The following IVD variants were observed in gnomAD, a reference collection of about 807,000 sequenced individuals.
The protein encoded by IVD is isovaleryl-CoA dehydrogenase, mitochondrial.
A neutral mutation model predicts 51.3 loss-of-function variants in IVD; 31 were observed. That is an observed-to-expected ratio of 0.60 (90% CI 0.45 to 0.81). IVD has a LOEUF of 0.81. Among genes scored for constraint, IVD ranks in the 40% least tolerant of loss-of-function variants. The pLI is 0.00. For synonymous variants in IVD, 205 were observed against 219.4 expected (o/e 0.93, Z 0.58); for missense variants, 475 against 552.0 (o/e 0.86, Z 1.40).
chr15:40,432,329 C>T (rs1893024229), intron 7 of IVD, among the ~76,000 whole-genome samples: 1 of 152,388 alleles, frequency 6.6e-6, no homozygotes, highest in South Asian at 2.1e-4. Flanking sequence ...TTGATGTGCT[C>T]TTCAGTTTCT....
downstream of IVD, among the ~76,000 whole-genome samples, chr15:40,425,476 A>G (rs8040086): frequency 0.47 from 69,832 of 147,802 alleles, 18,346 homozygotes; most frequent in East Asian, 0.79. Context: ...ATTCTTCCAT[A>G]TCTTGCTTTT....
rs1198988015 is a variant in IVD, at chr15:40,420,080, G to C, written c.*1817G>C. 2.1e-6 allele frequency: 2 copies of C among 962,802 alleles called. No individual in the cohort carries two copies. Among genetic ancestry groups the C allele is most frequent in the Non-Finnish European group, 2.5e-6 (2 of 809,412 alleles). The allele number at this position is 962,802 out of a possible 1,614,324, so 59.6% of individuals were successfully genotyped here. A position where few individuals can be genotyped will look rare whatever the true frequency, so the allele number is the denominator to read the frequency against. On this transcript the variant is annotated 3_prime_UTR_variant, in exon 12 of 12. Coordinates refer to ENST00000487418, the MANE Select transcript of IVD (RefSeq NM_002225.5). ...ATCGCGCCATTGCACTCCAGCCTGG[G>C]CAACAGAGTGAGACTCTGTCTCAAA...
downstream of IVD, among the ~76,000 whole-genome samples, chr15:40,426,841 C>G (rs1393942604): frequency 6.6e-6 from 1 of 152,168 alleles, no homozygotes; most frequent in Non-Finnish European, 1.5e-5. Context: ...CGCTGCTTCC[C>G]CAGCCAGGCC....
In IVD at chr15:40,405,942, A is replaced by G. The variant is rs1265542638; in HGVS notation, c.115A>G (p.Ile39Val). ...CTCGCTTTTGCCCGTGGACGATGCA[A>G]TCAATGGGCTAAGCGAGGAGCAGAG... is the stretch of plus-strand genomic sequence containing the variant. The part of the protein sequence containing the change: ...AHSLLPVDDA[I>V]NGLSEEQRQL... Residue 39 changes from isoleucine to valine, a missense_variant, in exon 1 of 12, where the codon ATC becomes GTC. Physicochemically the swap from Ile to Val is conservative, Grantham distance 29. Coordinates refer to ENST00000487418, the MANE Select transcript of IVD (RefSeq NM_002225.5). 10 of 1,612,716 alleles carry G rather than the reference A, an allele frequency of 6.2e-6. No individual in the cohort carries two copies. The highest frequency in any genetic ancestry group is 4.5e-5 in the East Asian group (2 of 44,888).
intron 1 of IVD, chr15:40,406,219 GGA>G: frequency 6.6e-7 from 1 of 1,514,102 alleles, no homozygotes; most frequent in South Asian, 1.2e-5. Flanking sequence ...GAAGTAGAGA[GGA>G]GGAGTCGAGG....
intron 4 of IVD, 102 bp downstream of exon 4, chr15:40,410,899 A>G (rs1340413617): frequency 1.4e-6 from 2 of 1,399,822 alleles, no homozygotes; most frequent in African/African-American, 2.8e-5. Flanking sequence ...TTTCTGTAGC[A>G]TGCTGCCATG....
In IVD at chr15:40,420,416, G is replaced by A; in HGVS notation, c.*2153G>A. ...TTGTTATAACTGCACAGTGGCTGCTGCCATTTTGTATTAAATATATTGTGA... is the reference window on the plus strand; with the variant it reads ...TTGTTATAACTGCACAGTGGCTGCTACCATTTTGTATTAAATATATTGTGA... On this transcript the variant is annotated 3_prime_UTR_variant, in exon 12 of 12. Coordinates refer to ENST00000487418, the MANE Select transcript of IVD (RefSeq NM_002225.5). The A allele has an allele frequency of 1.0e-6, 1 of 987,674 alleles. No homozygotes were observed. Among genetic ancestry groups the A allele is most frequent in the Non-Finnish European group, 1.2e-6 (1 of 830,122 alleles). The allele number at this position is 987,674 out of a possible 1,614,324, so 61.2% of individuals were successfully genotyped here. A position where few individuals can be genotyped will look rare whatever the true frequency, so the allele number is the denominator to read the frequency against.
At chr15:40,416,868 C>T (rs1016274498) in intron 11 of IVD, among the ~76,000 whole-genome samples, 13 of 152,160 alleles carry the variant, frequency 8.5e-5, no homozygotes, top group African/African-American at 2.7e-4. Context: ...CAACACCCCC[C>T]TCTCATCCTC....
At chr15:40,435,458 G>C in exon 9 of IVD, 1 of 1,240,626 alleles carries the variant, frequency 8.1e-7, no homozygotes, top group African/African-American at 1.6e-5. Flanking sequence ...GAGGGAGGGC[G>C]AGACCCGAGG....
In IVD at chr15:40,407,849, C is replaced by G. The variant is rs1890626169; in HGVS notation, c.235-90C>G. On this transcript the variant is annotated intron_variant, in intron 2 of 11. Coordinates refer to ENST00000487418, the MANE Select transcript of IVD (RefSeq NM_002225.5). ...CTCTCTAAGAATGCAGCCCCTCTCT[C>G]TGAAGTGTTTGGGTCTCATTGTTCC... 2.0e-6 allele frequency: 3 copies of G among 1,477,234 alleles called. No homozygotes were observed. In the African/African-American group the frequency reaches 4.2e-5, roughly 20 times the overall value. 91.5% of individuals were successfully genotyped at this position (1,477,234 alleles called of 1,614,324 possible).
At chr15:40,407,908 CTT>C (rs772192318) in intron 2 of IVD, 29 bp from the exon 3 acceptor site, 1 of 1,613,036 alleles carries the variant, frequency 6.2e-7, no homozygotes, top group African/African-American at 1.3e-5. Context: ...CCCCTCAACA[CTT>C]ATTCCACTCT....
At chr15:40,435,099 C>G (rs1353214351) in intron 8 of IVD, among the ~76,000 whole-genome samples, 1 of 152,146 alleles carries the variant, frequency 6.6e-6, no homozygotes, top group Non-Finnish European at 1.5e-5. Flanking sequence ...GAGATTGGGG[C>G]GAGAATGAGA....
At chr15:40,433,824 A>G in intron 7 of IVD, 1 of 456,660 alleles carries the variant, frequency 2.2e-6, no homozygotes, top group Middle Eastern at 3.3e-4. Context: ...CAAACTCTGG[A>G]CCATGTTTAA....
intron 7 of IVD, among the ~76,000 whole-genome samples, chr15:40,431,624 G>C (rs1892981023): frequency 6.6e-6 from 1 of 152,068 alleles, no homozygotes; most frequent in South Asian, 2.1e-4. Context: ...GAACTTGGAA[G>C]GCAGAGCTTG....
Position 40,420,914 on chromosome 15 carries a change from T to C in IVD, c.*2651T>C. The C allele has an allele frequency of 1.0e-6, 1 of 985,424 alleles. No individual in the cohort carries two copies. The highest frequency in any genetic ancestry group is 1.2e-6 in the Non-Finnish European group (1 of 830,022). The allele number at this position is 985,424 out of a possible 1,614,324, so 61.0% of individuals were successfully genotyped here. A position where few individuals can be genotyped will look rare whatever the true frequency, so the allele number is the denominator to read the frequency against. On this transcript the variant is annotated 3_prime_UTR_variant, in exon 12 of 12. Coordinates refer to ENST00000487418, the MANE Select transcript of IVD (RefSeq NM_002225.5). ...CCGAGTTCCAAAAAGAGGGAACTGG[T>C]TTTCTTGGTTCTCAGCCCAGCAGCA...
chr15:40,407,595 A>G (rs894610589), intron 1 of IVD, 41 bp from the exon 2 acceptor site: 46 of 1,417,404 alleles, frequency 3.2e-5, no homozygotes, highest in Non-Finnish European at 4.1e-5. Flanking sequence ...GGTAGTGGAG[A>G]TGCTGTCTGC....
chr15:40,411,707 T>A lies in IVD; in HGVS notation c.687+16T>A. Reference sequence around the variant, plus strand: ...TGTGGAGAAGGTGAGTATAGGTGGGTGCAGGGCCAGGAGGCTTCTGCCTCC... The same window carrying A: ...TGTGGAGAAGGTGAGTATAGGTGGGAGCAGGGCCAGGAGGCTTCTGCCTCC... On this transcript the variant is annotated intron_variant, in intron 6 of 11. Transcript: ENST00000487418. The A allele has an allele frequency of 6.2e-7, 1 of 1,614,012 alleles. No individual in the cohort carries two copies. The highest frequency in any genetic ancestry group is 1.1e-5 in the South Asian group (1 of 91,068).
At chr15:40,406,459 C>A in intron 1 of IVD, 3 of 708,430 alleles carry the variant, frequency 4.2e-6, no homozygotes, top group Non-Finnish European at 6.3e-6. Context: ...CGCTCTTCAG[C>A]CCATTGGGTC....
chr15:40,423,483 G>A (rs7168197), downstream of IVD, among the ~76,000 whole-genome samples: 2,063 of 152,136 alleles, frequency 0.014, 42 homozygotes, highest in African/African-American at 0.047. Context: ...TTTTTAAGAC[G>A]GAATCTTGCG....
Sources: gnomAD v4.1 joint callset for allele counts (sites outside exome capture counted in the v4.1 genomes callset) on GRCh38, gnomAD v4.1.1 for gene constraint, MANE v1.5 for transcripts, NCBI Gene and HGNC (gene_info 2026-07-23, HGNC 2026-07-21) for gene names.